The following SPAG16 variants were observed in gnomAD, a reference collection of about 807,000 sequenced individuals.
The protein encoded by SPAG16 is sperm associated antigen 16.
A neutral mutation model predicts 80.4 loss-of-function variants in SPAG16; 86 were observed. The ratio of observed to expected loss-of-function variants is 1.07; its 90% confidence interval spans 0.90 to 1.28. The LOEUF is 1.28. Among genes scored for constraint, SPAG16 ranks in the 50% most tolerant of loss-of-function variants. SPAG16 has a pLI of 0.00. For synonymous variants in SPAG16, 294 were observed against 265.9 expected (o/e 1.11, Z -1.03); for missense variants, 870 against 765.3 (o/e 1.14, Z -1.61).
At chr2:214,149,369 G>A (rs2055861470) in intron 15 of SPAG16, 103 bp downstream of exon 15, 6 of 1,143,812 alleles carry the variant, frequency 5.2e-6, no homozygotes, top group East Asian at 3.8e-5. Flanking sequence ...CTACGTAAAT[G>A]TCTGTTCTTA....
chr2:213,644,050 G>T (rs1161432457), intron 10 of SPAG16, among the ~76,000 whole-genome samples: 3 of 150,660 alleles, frequency 2.0e-5, no homozygotes, highest in Non-Finnish European at 4.4e-5. Context: ...CAAAATGCTG[G>T]GATTACAGGC....
At chr2:214,081,573 C>T (rs1346276104) in intron 13 of SPAG16, among the ~76,000 whole-genome samples, 3 of 152,140 alleles carry the variant, frequency 2.0e-5, no homozygotes, top group East Asian at 1.9e-4. Context: ...GACTGCCAGC[C>T]GTCACCAGAA....
intron 15 of SPAG16, among the ~76,000 whole-genome samples, chr2:214,243,635 ACTT>A (rs1374888432): frequency 2.0e-5 from 3 of 152,086 alleles, no homozygotes; most frequent in African/African-American, 7.2e-5. Context: ...ACTATATATC[ACTT>A]CTTGTTTGGG....
intron 10 of SPAG16, among the ~76,000 whole-genome samples, chr2:213,814,492 A>C (rs2072387654): frequency 1.3e-5 from 2 of 152,198 alleles, no homozygotes. Flanking sequence ...TACTTCAGAA[A>C]AATTATTAAG....
chr2:213,951,051 A>C (rs1441792332), intron 12 of SPAG16, among the ~76,000 whole-genome samples: 2 of 151,192 alleles, frequency 1.3e-5, no homozygotes, highest in Admixed American at 6.6e-5. Context: ...ATTTAGCATA[A>C]ATTGATTAAT....
At chr2:213,767,017 A>G (rs2068970950) in intron 10 of SPAG16, among the ~76,000 whole-genome samples, 1 of 152,148 alleles carries the variant, frequency 6.6e-6, no homozygotes, top group Admixed American at 6.5e-5. Context: ...AGACTCCTCA[A>G]TCTCCATATC....
intron 12 of SPAG16, among the ~76,000 whole-genome samples, chr2:213,982,295 A>G (rs576217495): frequency 2.0e-5 from 3 of 152,064 alleles, no homozygotes; most frequent in Non-Finnish European, 4.4e-5. Context: ...CAATTAAAAA[A>G]CTCACAAAAT....
chr2:214,057,392 T>C lies in SPAG16; in HGVS notation c.1527+43315T>C, dbSNP rs1373163511. ...AGAGCTCCTGGGTGACCTGGTTCAT[T>C]GTCAATGAACAGTAATATTATTAAT... is the stretch of plus-strand genomic sequence containing the variant. On this transcript the variant is annotated intron_variant, in intron 13 of 15. Transcript: ENST00000331683. 1.2e-4 allele frequency among the ~76,000 whole-genome samples: 18 copies of C among 152,256 alleles called. No individual in the cohort carries two copies. The East Asian group carries it at 3.5e-3, about 29-fold the overall frequency.
chr2:213,341,515 A>G (rs1291457164), intron 6 of SPAG16, among the ~76,000 whole-genome samples: 1 of 151,938 alleles, frequency 6.6e-6, no homozygotes, highest in Admixed American at 6.6e-5. Flanking sequence ...TAAATTTTAC[A>G]GTATTTCTTT....
chr2:213,354,335 C>T (rs572163079), intron 7 of SPAG16, among the ~76,000 whole-genome samples: 14 of 152,134 alleles, frequency 9.2e-5, no homozygotes, highest in Middle Eastern at 3.4e-3. Context: ...TGAACGGTGC[C>T]GCAATAAACA....
intron 11 of SPAG16, among the ~76,000 whole-genome samples, chr2:213,886,489 C>A (rs2076560012): frequency 6.6e-6 from 1 of 151,988 alleles, no homozygotes; most frequent in African/African-American, 2.4e-5. Flanking sequence ...TTCTGATCCC[C>A]AACACTGGCC....
intron 15 of SPAG16, among the ~76,000 whole-genome samples, chr2:214,365,400 G>A (rs1699414686): frequency 6.6e-6 from 1 of 152,122 alleles, no homozygotes. Flanking sequence ...CTGCCATTTT[G>A]ACTGATTGGA....
At chr2:214,395,030 A>T (rs1389450159) in intron 15 of SPAG16, among the ~76,000 whole-genome samples, 1 of 152,112 alleles carries the variant, frequency 6.6e-6, no homozygotes, top group African/African-American at 2.4e-5. Context: ...ATGCCTTTTC[A>T]TGGCTTGTTA....
intron 10 of SPAG16, among the ~76,000 whole-genome samples, chr2:213,835,243 C>A (rs897882788): frequency 2.6e-5 from 4 of 152,184 alleles, no homozygotes; most frequent in Non-Finnish European, 5.9e-5. Context: ...GCCAGGCTGT[C>A]TCCTCTCTTG....
At chr2:213,681,741 C>T (rs774119808) in intron 10 of SPAG16, among the ~76,000 whole-genome samples, 8 of 152,146 alleles carry the variant, frequency 5.3e-5, no homozygotes, top group Non-Finnish European at 8.8e-5. Flanking sequence ...CAAAATACCC[C>T]AGAGCCTCAA....
At chr2:214,361,959 A>G (rs114746380) in intron 15 of SPAG16, among the ~76,000 whole-genome samples, 1 of 151,872 alleles carries the variant, frequency 6.6e-6, no homozygotes. Flanking sequence ...TAGGCCTTTC[A>G]TCTTTAGAAC....
intron 15 of SPAG16, among the ~76,000 whole-genome samples, chr2:214,282,400 G>A (rs1693018294): frequency 6.6e-6 from 1 of 151,930 alleles, no homozygotes. Context: ...TTTGTTCCTG[G>A]TTCAAATCTG....
At position 214,125,987 on chromosome 2, in the gene SPAG16, TTTCCTTCCTTCTTTCCTTCCTTCCTTCC is replaced by T. The variant is rs1559822735; in HGVS notation, c.1593+17738_1593+17765del. On this transcript the variant is annotated intron_variant, in intron 14 of 15. Transcript: ENST00000331683. ...GAAATCCAGTAAGGCCTGACTTTCT[TTTCCTTCCTTCTTTCCTTCCTTCCTTCC>T]TTCCTTCCTTCCTTCCTTCCTTCCT... is the stretch of plus-strand genomic sequence containing the variant. 1.4e-5 allele frequency among the ~76,000 whole-genome samples: 2 copies of T among 140,452 alleles called. 1 individual carries two copies. 92.1% of individuals were successfully genotyped at this position (140,452 alleles called of 152,430 possible).
intron 9 of SPAG16, among the ~76,000 whole-genome samples, chr2:213,398,618 A>C (rs2068160633): frequency 6.6e-6 from 1 of 152,120 alleles, no homozygotes; most frequent in South Asian, 2.1e-4. Flanking sequence ...CTTTACTCAA[A>C]TGTTCCCTTT....
Sources: allele counts gnomAD v4.1 joint callset (sites outside exome capture counted in the v4.1 genomes callset), GRCh38; gene constraint gnomAD v4.1.1; transcripts MANE v1.5; gene names NCBI Gene and HGNC (gene_info 2026-07-23, HGNC 2026-07-21).